Variants in KANK1 observed in about 807,000 individuals in gnomAD.
KANK1 encodes the protein KN motif and ankyrin repeat domains 1.
A neutral mutation model predicts 106.2 loss-of-function variants in KANK1; 109 were observed. The observed-to-expected ratio is 1.03, with a 90% CI of 0.88 to 1.20. The LOEUF (loss-of-function observed/expected upper bound fraction) is 1.20, where lower values mean the gene tolerates loss of function less well. Among genes scored for constraint, KANK1 ranks in the 50% most tolerant of loss-of-function variants. KANK1 has a pLI of 0.00. For missense variants in KANK1, 2,399 were observed against 1,710.7 expected (o/e 1.40, Z -7.10); for synonymous variants, 873 against 652.2 (o/e 1.34, Z -5.16).
chr9:526,213 T>G (rs776108244), intron 1 of KANK1, among the ~76,000 whole-genome samples: 2 of 151,796 alleles, frequency 1.3e-5, no homozygotes, highest in African/African-American at 2.4e-5. Context: ...GTGCTGTCTC[T>G]CAGGCATTTC....
At chr9:501,911 T>C (rs2058561002), upstream of KANK1, among the ~76,000 whole-genome samples, 1 of 152,200 alleles carries the variant, frequency 6.6e-6, no homozygotes, top group African/African-American at 2.4e-5. Context: ...CTTTCGCATG[T>C]TATATTTCAA....
chr9:586,854 C>T (rs1823600523), intron 1 of KANK1, among the ~76,000 whole-genome samples: 1 of 152,150 alleles, frequency 6.6e-6, no homozygotes, highest in African/African-American at 2.4e-5. Context: ...TTTATTCTGG[C>T]CTGCCCCTGC....
chr9:636,316 C>T (rs1433144668), intron 1 of KANK1, among the ~76,000 whole-genome samples: 1 of 152,184 alleles, frequency 6.6e-6, no homozygotes, highest in Non-Finnish European at 1.5e-5. Context: ...CAGACTGCTG[C>T]CATATATTAC....
chr9:548,100 G>T (rs2061043326), intron 1 of KANK1, among the ~76,000 whole-genome samples: 1 of 152,024 alleles, frequency 6.6e-6, no homozygotes, highest in East Asian at 1.9e-4. Flanking sequence ...TTCATGGTTT[G>T]GCCAAATCCT....
At chr9:719,203 A>G (rs1376674078) in intron 3 of KANK1, among the ~76,000 whole-genome samples, 1 of 151,884 alleles carries the variant, frequency 6.6e-6, no homozygotes, top group Non-Finnish European at 1.5e-5. Flanking sequence ...TTCTAACCTC[A>G]TGATCCACCC....
chr9:660,847 A>C (rs78921568), intron 1 of KANK1, among the ~76,000 whole-genome samples: 1 of 152,310 alleles, frequency 6.6e-6, no homozygotes, highest in East Asian at 1.9e-4. Context: ...CCCCTTCCCA[A>C]TAGCGAGGTG....
intron 1 of KANK1, among the ~76,000 whole-genome samples, chr9:611,585 T>A (rs1830563369): frequency 6.6e-6 from 1 of 152,212 alleles, no homozygotes; most frequent in African/African-American, 2.4e-5. Flanking sequence ...TCCCATTAGA[T>A]AGGAGTGTGT....
At chr9:663,011 G>A (rs1269462298) in intron 1 of KANK1, among the ~76,000 whole-genome samples, 2 of 152,128 alleles carry the variant, frequency 1.3e-5, no homozygotes, top group Non-Finnish European at 1.5e-5. Flanking sequence ...TAAATCTGAG[G>A]ATGTGTTACA....
chr9:714,457 A>G (rs954135443), intron 3 of KANK1, among the ~76,000 whole-genome samples: 2 of 147,992 alleles, frequency 1.4e-5, no homozygotes, highest in African/African-American at 5.0e-5. Context: ...CCTCTCAGGT[A>G]CAAGCGATTC....
At chr9:521,692 G>A (rs551391031) in intron 1 of KANK1, among the ~76,000 whole-genome samples, 7 of 149,776 alleles carry the variant, frequency 4.7e-5, no homozygotes, top group East Asian at 2.0e-4. Flanking sequence ...TCAGCCTCCC[G>A]AGTAGCTGGG....
Position 730,255 on chromosome 9 carries a change from T to A in KANK1, c.2896+7T>A. On this transcript the variant is annotated splice_region_variant and intron_variant, in intron 4 of 11. Coordinates refer to ENST00000382297, the MANE Select transcript of KANK1 (RefSeq NM_015158.5). ...ATCGCCGCTGGCCTCTATGGTAACT[T>A]TTCTCACTCACAGTCATTGGCATCA... 6.2e-7 allele frequency: 1 copy of A among 1,614,024 alleles called. No homozygotes were observed. Among genetic ancestry groups the A allele is most frequent in the South Asian group, 1.1e-5 (1 of 91,078 alleles).
chr9:540,155 A>G (rs138029105), intron 1 of KANK1, among the ~76,000 whole-genome samples: 30 of 152,336 alleles, frequency 2.0e-4, no homozygotes, highest in African/African-American at 6.5e-4. Flanking sequence ...ACTGAGTATG[A>G]TATTAGCTAC....
At chr9:494,435 G>A (rs1217083906) in intron 3 of KANK1, among the ~76,000 whole-genome samples, 1 of 152,186 alleles carries the variant, frequency 6.6e-6, no homozygotes, top group Non-Finnish European at 1.5e-5. Flanking sequence ...CCCTGTTACT[G>A]TGTAACCACG....
At chr9:703,768 G>A (rs1051951256) in intron 2 of KANK1, among the ~76,000 whole-genome samples, 9 of 151,756 alleles carry the variant, frequency 5.9e-5, no homozygotes, top group Admixed American at 3.9e-4. Context: ...CTGGAATGCA[G>A]TGGCGTGATC....
intron 1 of KANK1, among the ~76,000 whole-genome samples, chr9:608,180 G>A (rs1312662498): frequency 2.7e-5 from 4 of 149,476 alleles, no homozygotes; most frequent in Non-Finnish European, 5.9e-5. Flanking sequence ...TGGGACTACA[G>A]GCGCCCGCCA....
At chr9:565,740 G>A (rs1350332820) in intron 1 of KANK1, among the ~76,000 whole-genome samples, 1 of 152,122 alleles carries the variant, frequency 6.6e-6, no homozygotes, top group Non-Finnish European at 1.5e-5. Context: ...AGTCTGAAAA[G>A]ACATCTCAAA....
chr9:631,257 A>T (rs188748435), intron 1 of KANK1, among the ~76,000 whole-genome samples: 2 of 152,208 alleles, frequency 1.3e-5, no homozygotes, highest in African/African-American at 4.8e-5. Flanking sequence ...AGAATTATCT[A>T]TGCAAGTTAT....
chr9:711,465 C>G lies in KANK1; in HGVS notation c.699C>G (p.Ser233=). 5 of 1,614,160 alleles carry G rather than the reference C, an allele frequency of 3.1e-6. No homozygotes were observed. The highest frequency in any genetic ancestry group is 4.2e-6 in the Non-Finnish European group (5 of 1,180,022). The part of the protein sequence containing the change: ...GSYAPAAPTT[S]SMGSSIRHSP... ...ATGCCCCAGCTGCTCCCACCACTTC[C>G]TCCATGGGGAGCTCCATCCGCCACA... The change falls in exon 3 of 12, where the codon TCC becomes TCG. Residue 233 remains serine, a synonymous_variant. Transcript: ENST00000382297.
chr9:495,778 C>G (rs1449480284), intron 3 of KANK1, among the ~76,000 whole-genome samples: 1 of 152,106 alleles, frequency 6.6e-6, no homozygotes, highest in Non-Finnish European at 1.5e-5. Flanking sequence ...ATTTTTATCT[C>G]CCATTAAAGT....
Sources: gnomAD v4.1 joint callset for allele counts (sites outside exome capture counted in the v4.1 genomes callset) on GRCh38, gnomAD v4.1.1 for gene constraint, MANE v1.5 for transcripts, NCBI Gene and HGNC (gene_info 2026-07-23, HGNC 2026-07-21) for gene names.